Variants in PKN2 observed in about 807,000 individuals in gnomAD.
PKN2 encodes the protein serine/threonine-protein kinase N2.
PKN2 carries 38 observed loss-of-function variants against 119.1 expected under a neutral mutation model. The observed-to-expected ratio is 0.32, with a 90% CI of 0.25 to 0.42. The LOEUF is 0.42. PKN2 is among the 10% of genes least tolerant of loss of function. The pLI, the probability that PKN2 is intolerant of heterozygous loss-of-function variation, is 1.00. For missense variants in PKN2, 850 were observed against 1,165.1 expected, an observed-to-expected ratio of 0.73 and a Z score of 3.94; for synonymous variants, 390 against 384.9, an observed-to-expected ratio of 1.01 and a Z score of -0.15.
chr1:88,684,659 G>A, intron 1 of PKN2, 31 bp downstream of exon 1: 2 of 1,500,448 alleles, frequency 1.3e-6, no homozygotes, highest in Non-Finnish European at 1.8e-6. Context: ...GAGAGGCGCT[G>A]GCGGAGGAGA....
chr1:88,735,475 C>T (rs1170691495), intron 1 of PKN2, among the ~76,000 whole-genome samples: 3 of 148,180 alleles, frequency 2.0e-5, no homozygotes, highest in Non-Finnish European at 4.5e-5. Flanking sequence ...TTTTTTTTAA[C>T]ATTTCTTGTA....
In PKN2 at chr1:88,823,055, C is replaced by A. The variant is rs1393934393; in HGVS notation, c.2342+1052C>A. On this transcript the variant is annotated intron_variant, in intron 17 of 21. Coordinates refer to ENST00000370521, the MANE Select transcript of PKN2 (RefSeq NM_006256.4). The stretch of plus-strand genomic sequence containing the variant: ...GCAACATAGTGATATTCTGTCTCTA[C>A]AAAAAAATAACAAAAATCAGCCAGG... Among the ~76,000 whole-genome samples, 5 of 151,908 alleles carry A rather than the reference C, an allele frequency of 3.3e-5. No homozygotes were observed. The East Asian group carries it at 9.7e-4, about 29-fold the overall frequency.
chr1:88,737,549 C>T lies in PKN2; in HGVS notation c.49-3439C>T, dbSNP rs57276186. 5.1e-3 allele frequency among the ~76,000 whole-genome samples: 769 copies of T among 152,252 alleles called. 3 individuals are homozygous for T. The highest frequency in any genetic ancestry group is 0.017 in the African/African-American group (724 of 41,538). On this transcript the variant is annotated intron_variant, in intron 1 of 21. Coordinates refer to ENST00000370521, the MANE Select transcript of PKN2 (RefSeq NM_006256.4). Reference sequence around the variant, plus strand: ...CACCAGGACTACTACATCCCCGGGGCACCAATCAGGCCCATACCACTGTAG... The same window carrying T: ...CACCAGGACTACTACATCCCCGGGGTACCAATCAGGCCCATACCACTGTAG...
chr1:88,695,972 G>A (rs958571986), intron 1 of PKN2, among the ~76,000 whole-genome samples: 1 of 152,056 alleles, frequency 6.6e-6, no homozygotes, highest in African/African-American at 2.4e-5. Context: ...CAGTTATTCT[G>A]TTGAAGTGGT....
At chr1:88,760,580 A>G (rs1009362973) in intron 3 of PKN2, among the ~76,000 whole-genome samples, 3 of 152,154 alleles carry the variant, frequency 2.0e-5, no homozygotes, top group Admixed American at 2.0e-4. Context: ...AGTTCGAACA[A>G]GGTGATTTTG....
chr1:88,815,423 T>G (rs190879094), intron 16 of PKN2: 473 of 354,924 alleles, frequency 1.3e-3, no homozygotes, highest in Admixed American at 2.3e-3. Context: ...TCACTCTATT[T>G]TCTGTATTAT....
At chr1:88,789,428 C>T (rs1017795633) in intron 8 of PKN2, among the ~76,000 whole-genome samples, 7 of 151,908 alleles carry the variant, frequency 4.6e-5, no homozygotes, top group Admixed American at 2.6e-4. Context: ...TTGGGGAGGC[C>T]GAGGCGGGCG....
At chr1:88,684,890 T>G (rs916729779) in intron 1 of PKN2, 1 of 394,590 alleles carries the variant, frequency 2.5e-6, no homozygotes, top group Non-Finnish European at 4.5e-6. Context: ...TCTGCAGCCC[T>G]GCTGCAGCGG....
intron 1 of PKN2, among the ~76,000 whole-genome samples, chr1:88,691,634 A>G (rs907355432): frequency 6.6e-6 from 1 of 152,122 alleles, no homozygotes; most frequent in Admixed American, 6.6e-5. Flanking sequence ...ACCTACGTAT[A>G]GTTTTCCTCT....
chr1:88,691,365 T>C (rs975181489), intron 1 of PKN2, among the ~76,000 whole-genome samples: 19 of 152,276 alleles, frequency 1.2e-4, no homozygotes, highest in Middle Eastern at 3.4e-3. Context: ...GTGCCTGGCC[T>C]GAGTATCATA....
intron 6 of PKN2, among the ~76,000 whole-genome samples, chr1:88,779,217 G>GC (rs1553154504): frequency 2.0e-5 from 3 of 151,842 alleles, no homozygotes; most frequent in South Asian, 2.1e-4. Flanking sequence ...GCAAAGGTAA[G>GC]TGAAAACTCC....
chr1:88,823,675 G>A (rs1430347934), intron 17 of PKN2, among the ~76,000 whole-genome samples: 1 of 141,216 alleles, frequency 7.1e-6, no homozygotes, highest in Non-Finnish European at 1.5e-5. Context: ...GTGCTCTCCA[G>A]CCTGGGTGAC....
chr1:88,764,309 T>C (rs1258459664), intron 3 of PKN2, among the ~76,000 whole-genome samples: 1 of 152,220 alleles, frequency 6.6e-6, no homozygotes, highest in African/African-American at 2.4e-5. Flanking sequence ...CATTAAGTCA[T>C]CTACTTGGAT....
At chr1:88,776,551 C>T (rs926625064) in intron 6 of PKN2, among the ~76,000 whole-genome samples, 1 of 151,768 alleles carries the variant, frequency 6.6e-6, no homozygotes, top group Non-Finnish European at 1.5e-5. Flanking sequence ...ACCAGCCTGG[C>T]CAGCATGGTG....
At chr1:88,744,341 A>G (rs746209237) in intron 2 of PKN2, among the ~76,000 whole-genome samples, 6 of 152,228 alleles carry the variant, frequency 3.9e-5, no homozygotes, top group Non-Finnish European at 7.3e-5. Context: ...AGTAAGCAGA[A>G]CAAATGACTG....
At chr1:88,749,477 T>G (rs2100760545) in intron 2 of PKN2, among the ~76,000 whole-genome samples, 1 of 152,262 alleles carries the variant, frequency 6.6e-6, no homozygotes, top group African/African-American at 2.4e-5. Context: ...TTAAGAAAGC[T>G]TAAACCAGAG....
intron 2 of PKN2, among the ~76,000 whole-genome samples, chr1:88,755,738 G>A (rs1669171997): frequency 6.6e-6 from 1 of 152,086 alleles, no homozygotes; most frequent in Non-Finnish European, 1.5e-5. Context: ...CCATACCAAT[G>A]AGTAGCAACC....
chr1:88,756,892 A>C (rs1003122529), intron 2 of PKN2, among the ~76,000 whole-genome samples: 1 of 152,152 alleles, frequency 6.6e-6, no homozygotes, highest in African/African-American at 2.4e-5. Context: ...CCTGTGAGGT[A>C]CATGATGTTT....
At chr1:88,710,331 AT>A (rs1237866871) in intron 1 of PKN2, among the ~76,000 whole-genome samples, 1 of 152,070 alleles carries the variant, frequency 6.6e-6, no homozygotes, top group Non-Finnish European at 1.5e-5. Context: ...TTCCAGGCCT[AT>A]TTTTTCTCCT....
Sources: allele counts gnomAD v4.1 joint callset (sites outside exome capture counted in the v4.1 genomes callset), GRCh38; gene constraint gnomAD v4.1.1; transcripts MANE v1.5; gene names NCBI Gene and HGNC (gene_info 2026-07-23, HGNC 2026-07-21).